The following EHD3 variants were observed in gnomAD, a reference collection of about 807,000 sequenced individuals.
EHD3 encodes the protein EH domain containing 3, also known as EH domain-containing protein 3.
A neutral mutation model predicts 43.0 loss-of-function variants in EHD3; 17 were observed. The ratio of observed to expected loss-of-function variants is 0.40; its 90% CI spans 0.27 to 0.59. The LOEUF (loss-of-function observed/expected upper bound fraction) is 0.59. EHD3 is among the 20% of genes least tolerant of loss of function. The pLI, the probability that EHD3 is intolerant of heterozygous loss-of-function variation, is 0.49. For missense variants in EHD3, 594 were observed against 705.6 expected (o/e 0.84, Z 1.79); for synonymous variants, 313 against 289.5 (o/e 1.08, Z -0.82).
At chr2:31,262,199 G>T (rs1683870498) in intron 5 of EHD3, among the ~76,000 whole-genome samples, 2 of 152,210 alleles carry the variant, frequency 1.3e-5, no homozygotes, top group South Asian at 4.1e-4. Flanking sequence ...CCTATCTTGG[G>T]CCAGTGGCCA....
At chr2:31,246,211 C>T (rs1031666909) in intron 2 of EHD3, among the ~76,000 whole-genome samples, 9 of 151,968 alleles carry the variant, frequency 5.9e-5, no homozygotes, top group Non-Finnish European at 8.8e-5. Flanking sequence ...GTCTCTTATA[C>T]CTGGAACTGA....
chr2:31,262,812 G>A (rs577841993), intron 5 of EHD3, among the ~76,000 whole-genome samples: 5 of 152,364 alleles, frequency 3.3e-5, no homozygotes, highest in African/African-American at 1.2e-4. Flanking sequence ...CTACTCGGGA[G>A]GCTGAGGCAT....
Position 31,234,482 on chromosome 2 carries a change from G to T in EHD3, c.-140G>T, listed in dbSNP as rs934709234. On this transcript the variant is annotated 5_prime_UTR_variant, in exon 1 of 6. Coordinates refer to ENST00000322054, the MANE Select transcript of EHD3 (RefSeq NM_014600.3). ...TCCCGGCCCTCCTAGCCGCGTGCCC[G>T]GGCCATGGTGCGGCTGAGCCCCGCG... The T allele has an allele frequency of 4.3e-6, 4 of 927,282 alleles. No individual in the cohort carries two copies. Among genetic ancestry groups the T allele is most frequent in the African/African-American group, 3.3e-5 (2 of 60,512 alleles). 57.4% of individuals were successfully genotyped at this position (927,282 alleles called of 1,614,324 possible).
At position 31,261,555 on chromosome 2, in the gene EHD3, G is replaced by A. The variant is rs1315930420; in HGVS notation, c.922G>A (p.Ala308Thr). The A allele has an allele frequency of 1.9e-6, 3 of 1,614,170 alleles. No individual in the cohort carries two copies. The highest frequency in any genetic ancestry group is 2.2e-5 in the East Asian group (1 of 44,884). The change falls in exon 5 of 6, where the codon GCC becomes ACC. Residue 308 changes from alanine to threonine, a missense_variant. Physicochemically the swap from Ala to Thr is moderately conservative, Grantham distance 58. Transcript: ENST00000322054. The stretch of plus-strand genomic sequence containing the variant: ...CTCTGGCCCTGTTTGTCAGGTCCAC[G>A]CCTACATCATCAGCTCTCTGAAGAA... The part of the protein sequence containing the change: ...IKRARLAKVH[A>T]YIISSLKKEM...
At position 31,244,407 on chromosome 2, in the gene EHD3, C is replaced by G. The variant is rs369633203; in HGVS notation, c.361C>G (p.Pro121Ala). Residue 121 changes from proline to alanine, a missense_variant, in exon 2 of 6, where the codon CCC becomes GCC. Physicochemically the swap from Pro to Ala is conservative, Grantham distance 27. Around this residue, in one of 3 missense-constraint regions of EHD3, gnomAD observed 243 missense variants for 296.7 expected, o/e 0.82. Transcript: ENST00000322054. ...CGCCCTGGTGGTGGATCCCAAGAAA[C>G]CCTTCAGGAAACTCAACGCCTTTGG... ...GNALVVDPKK[P>A]FRKLNAFGNA... 1 of 1,614,066 alleles carries G rather than the reference C, an allele frequency of 6.2e-7. No homozygotes were observed. The highest frequency in any genetic ancestry group is 1.3e-5 in the African/African-American group (1 of 74,932).
chr2:31,234,796 C>G lies in EHD3; in HGVS notation c.175C>G (p.Pro59Ala). 1.9e-6 allele frequency: 3 copies of G among 1,614,212 alleles called. No individual in the cohort carries two copies. Among genetic ancestry groups the G allele is most frequent in the Non-Finnish European group, 2.5e-6 (3 of 1,180,034 alleles). Reference protein sequence around the residue: ...ALEDADFDNKPMVLLVGQYST... With the variant: ...ALEDADFDNKAMVLLVGQYST... ...GGAGGATGCCGACTTCGACAACAAGCCCATGGTTCTGCTGGTGGGCCAGTA... is the reference window on the plus strand; with the variant it reads ...GGAGGATGCCGACTTCGACAACAAGGCCATGGTTCTGCTGGTGGGCCAGTA... The change falls in exon 1 of 6, where the codon CCC becomes GCC. Residue 59 changes from proline (P) to alanine (A), a missense_variant. Transcript: ENST00000322054.
chr2:31,243,473 T>TTTTTTTTTTTTA (rs1683461753), intron 1 of EHD3, among the ~76,000 whole-genome samples: 2 of 141,158 alleles, frequency 1.4e-5, no homozygotes, highest in Non-Finnish European at 3.1e-5. Flanking sequence ...TTTTTTTTTT[T>TTTTTTTTTTTTA]GAGACAGAGT....
chr2:31,253,246 CCA>C (rs34392955), intron 3 of EHD3, among the ~76,000 whole-genome samples: 7,094 of 141,886 alleles, frequency 0.05, 220 homozygotes, highest in African/African-American at 0.098. Flanking sequence ...CAACCCCCTC[CCA>C]CACACACACA....
chr2:31,266,074 G>C lies in EHD3; in HGVS notation c.1081-103G>C, dbSNP rs1308670579. The C allele has an allele frequency of 9.3e-6, 13 of 1,394,884 alleles. No homozygotes were observed. In the East Asian group the frequency reaches 3.0e-4, roughly 33 times the overall value. The allele number at this position is 1,394,884 out of a possible 1,614,324, so 86.4% of individuals were successfully genotyped here. On this transcript the variant is annotated intron_variant, in intron 5 of 5. Transcript: ENST00000322054. The surrounding 1 kb of genome is among the most constrained non-coding windows in gnomAD (Gnocchi z 5.1). ...GGTCACAGGTCTTTCATTGTAGAAA[G>C]GGATCAGCTGTGAACATTCTGGTGC...
chr2:31,241,287 C>A (rs1192668843), intron 1 of EHD3, among the ~76,000 whole-genome samples: 1 of 152,154 alleles, frequency 6.6e-6, no homozygotes, highest in African/African-American at 2.4e-5. Context: ...CCCTTTTGGC[C>A]TGTCCCTAAA....
chr2:31,234,522 C>T lies in EHD3; in HGVS notation c.-100C>T, dbSNP rs903507335. On this transcript the variant is annotated 5_prime_UTR_variant, in exon 1 of 6. Transcript: ENST00000322054. ...TGAGCCCCGCGCTTGGGTGAGGCGG[C>T]GGCGCGGCTCGGAGCCCGGCGGACC... 21 of 1,371,746 alleles carry T rather than the reference C, an allele frequency of 1.5e-5. No individual in the cohort carries two copies. Among genetic ancestry groups the T allele is most frequent in the Non-Finnish European group, 2.1e-5 (21 of 1,002,408 alleles). The allele number at this position is 1,371,746 out of a possible 1,614,324, so 85.0% of individuals were successfully genotyped here.
chr2:31,260,028 C>T lies in EHD3; in HGVS notation c.503-482C>T, dbSNP rs116153458. Among the ~76,000 whole-genome samples, 12,557 of 152,186 alleles carry T rather than the reference C, an allele frequency of 0.083. 573 individuals are homozygous for T. Among genetic ancestry groups the T allele is most frequent in the Non-Finnish European group, 0.1 (7,094 of 68,004 alleles). On this transcript the variant is annotated intron_variant, in intron 3 of 5. Coordinates refer to ENST00000322054, the MANE Select transcript of EHD3 (RefSeq NM_014600.3). The surrounding 1 kb of genome is among the most constrained non-coding windows in gnomAD (Gnocchi z 4.6). Reference sequence around the variant, plus strand: ...CTCAGCCTGGCTAACATGGTTAAACCTGTCTCTACTAAAAACACAAAAATT... The same window carrying T: ...CTCAGCCTGGCTAACATGGTTAAACTTGTCTCTACTAAAAACACAAAAATT...
chr2:31,258,873 G>C (rs1384958338), intron 3 of EHD3, among the ~76,000 whole-genome samples: 1 of 151,554 alleles, frequency 6.6e-6, no homozygotes, highest in Non-Finnish European at 1.5e-5. Flanking sequence ...AAACTTTGGG[G>C]ATAGAGTCCA....
At chr2:31,253,576 G>A (rs935994208) in intron 3 of EHD3, among the ~76,000 whole-genome samples, 2 of 152,188 alleles carry the variant, frequency 1.3e-5, no homozygotes, top group East Asian at 3.8e-4. Context: ...GCCCCTACTG[G>A]CCATATTAGA....
intron 2 of EHD3, among the ~76,000 whole-genome samples, chr2:31,248,512 G>A (rs911588033): frequency 6.6e-6 from 1 of 152,138 alleles, no homozygotes; most frequent in Non-Finnish European, 1.5e-5. Context: ...GACAGGGATC[G>A]AGGTTTGGAT....
rs180734121 is a variant in EHD3, at chr2:31,264,793, A to G, written c.1081-1384A>G. ...CGTGATCCGCCTGCCTCAGCCTCCC[A>G]AAGTGCTGGGATTACAGGCATGAGC... On this transcript the variant is annotated intron_variant, in intron 5 of 5. Coordinates refer to ENST00000322054, the MANE Select transcript of EHD3 (RefSeq NM_014600.3). 9.8e-3 allele frequency among the ~76,000 whole-genome samples: 1,484 copies of G among 152,138 alleles called. 14 individuals are homozygous for G. The highest frequency in any genetic ancestry group is 0.048 in the Middle Eastern group (14 of 294).
At chr2:31,236,086 A>G (rs1246638506) in intron 1 of EHD3, among the ~76,000 whole-genome samples, 3 of 152,218 alleles carry the variant, frequency 2.0e-5, no homozygotes, top group Non-Finnish European at 4.4e-5. Flanking sequence ...AGGAGTGCAG[A>G]AAAGTTAACA....
At chr2:31,259,048 C>T (rs1324995813) in intron 3 of EHD3, among the ~76,000 whole-genome samples, 2 of 152,136 alleles carry the variant, frequency 1.3e-5, no homozygotes, top group African/African-American at 4.8e-5. Flanking sequence ...CAGGCTTTTT[C>T]CTAATGATTT....
chr2:31,247,033 G>T lies in EHD3; in HGVS notation c.405-2338G>T, dbSNP rs144270993. 8.3e-4 allele frequency among the ~76,000 whole-genome samples: 127 copies of T among 152,114 alleles called. 2 individuals carry two copies. The East Asian group carries it at 0.023, about 27-fold the overall frequency. On this transcript the variant is annotated intron_variant, in intron 2 of 5. Transcript: ENST00000322054. ...CGCCTCAGCCTCCTGAATAGCTGGG[G>T]TTACAGGCATGCGCCACCACGCCTG...
Sources: gnomAD v4.1 joint callset for allele counts (sites outside exome capture counted in the v4.1 genomes callset) on GRCh38, gnomAD v4.1.1 for gene constraint, gnomAD v4.1.1 regional missense constraint, Gnocchi (gnomAD v3.1) non-coding constraint, MANE v1.5 for transcripts, NCBI Gene and HGNC (gene_info 2026-07-23, HGNC 2026-07-21) for gene names.